Variants in GRM7 observed in about 807,000 individuals in gnomAD.
GRM7 encodes glutamate metabotropic receptor 7.
Under a neutral mutation model 84.5 loss-of-function variants are expected in GRM7, and 35 were observed. That is an observed-to-expected ratio of 0.41 (90% CI 0.32 to 0.55). GRM7 has a LOEUF of 0.55. GRM7 is among the 20% of genes least tolerant of loss of function. GRM7 has a pLI of 0.19. For missense variants in GRM7, 1,003 were observed against 1,194.6 expected (o/e 0.84, Z 2.36); for synonymous variants, 487 against 455.1 (o/e 1.07, Z -0.89).
At chr3:6,886,894 A>C (rs1695717282) in intron 1 of GRM7, among the ~76,000 whole-genome samples, 1 of 151,952 alleles carries the variant, frequency 6.6e-6, no homozygotes. Context: ...ATTATCTTCC[A>C]AGTTTTTTTT....
intron 2 of GRM7, among the ~76,000 whole-genome samples, chr3:7,224,020 C>A (rs1432830675): frequency 6.6e-6 from 1 of 152,228 alleles, no homozygotes; most frequent in African/African-American, 2.4e-5. Context: ...GGAAGTCTCT[C>A]TGGTGTCTTT....
intron 5 of GRM7, among the ~76,000 whole-genome samples, chr3:7,447,533 G>T (rs1329086346): frequency 4.6e-5 from 7 of 152,100 alleles, no homozygotes; most frequent in African/African-American, 1.4e-4. Context: ...CTAACTCACA[G>T]CTCAGTTGCA....
At chr3:7,351,593 C>T (rs188612194) in intron 4 of GRM7, among the ~76,000 whole-genome samples, 2 of 152,110 alleles carry the variant, frequency 1.3e-5, no homozygotes, top group African/African-American at 4.8e-5. Flanking sequence ...GAAGACATGA[C>T]CTCAGTATGA....
At chr3:7,324,732 T>A (rs1700918433) in intron 4 of GRM7, among the ~76,000 whole-genome samples, 1 of 152,166 alleles carries the variant, frequency 6.6e-6, no homozygotes, top group South Asian at 2.1e-4. Flanking sequence ...CCGTTGCTTT[T>A]TTTTCAAGTT....
chr3:6,879,932 G>A (rs1695446648), intron 1 of GRM7, among the ~76,000 whole-genome samples: 1 of 152,182 alleles, frequency 6.6e-6, no homozygotes, highest in Non-Finnish European at 1.5e-5. Flanking sequence ...TGTGTTACAA[G>A]AGAGTTGCAA....
intron 8 of GRM7, among the ~76,000 whole-genome samples, chr3:7,602,157 C>T (rs1217820778): frequency 4.7e-5 from 7 of 149,746 alleles, no homozygotes; most frequent in Non-Finnish European, 3.0e-5. Context: ...AAGGGGAGAG[C>T]TTGTAAATAA....
chr3:7,399,965 A>G (rs1695380039), intron 4 of GRM7, among the ~76,000 whole-genome samples: 1 of 152,210 alleles, frequency 6.6e-6, no homozygotes, highest in African/African-American at 2.4e-5. Context: ...AAAACGCACG[A>G]AGACAAGTAC....
At chr3:7,478,874 C>T (rs1466185105) in intron 7 of GRM7, among the ~76,000 whole-genome samples, 2 of 152,164 alleles carry the variant, frequency 1.3e-5, no homozygotes, top group African/African-American at 4.8e-5. Context: ...TTACTGACTC[C>T]ATAAAACCTT....
chr3:7,203,006 C>T (rs1696117057), intron 2 of GRM7, among the ~76,000 whole-genome samples: 1 of 152,178 alleles, frequency 6.6e-6, no homozygotes, highest in Non-Finnish European at 1.5e-5. Flanking sequence ...GTGTTCCAAC[C>T]AAGTCAGGGT....
intron 3 of GRM7, among the ~76,000 whole-genome samples, chr3:7,303,133 G>T (rs12493907): frequency 0.48 from 72,541 of 151,318 alleles, 18,815 homozygotes; most frequent in Non-Finnish European, 0.6. Context: ...GTAGAGACGG[G>T]CTTTCACCAT....
At chr3:7,223,727 A>T (rs1696886976) in intron 2 of GRM7, among the ~76,000 whole-genome samples, 1 of 152,230 alleles carries the variant, frequency 6.6e-6, no homozygotes, top group African/African-American at 2.4e-5. Context: ...TCTTAAAATT[A>T]TCTTAAAATC....
chr3:7,594,895 G>T (rs1331959023), intron 8 of GRM7, among the ~76,000 whole-genome samples: 2 of 152,048 alleles, frequency 1.3e-5, no homozygotes, highest in African/African-American at 4.8e-5. Flanking sequence ...CACCATTGTG[G>T]AAGGGTGTGG....
intron 2 of GRM7, among the ~76,000 whole-genome samples, chr3:7,215,458 A>G (rs1333857044): frequency 2.0e-5 from 3 of 151,952 alleles, no homozygotes; most frequent in Admixed American, 1.3e-4. Flanking sequence ...AGGTCAGAAG[A>G]TCTAGACCAC....
rs926709857 is a variant in GRM7 at position 7,291,642 on chromosome 3, G to A, written c.737-7042G>A. The stretch of plus-strand genomic sequence containing the variant: ...GATTTCTGCCTGTTTTGTGTGTCAC[G>A]TGATTATTTGTACTTGAAAAGAGGC... On this transcript the variant is annotated intron_variant, in intron 2 of 9. Transcript: ENST00000357716. 7.9e-5 allele frequency among the ~76,000 whole-genome samples: 12 copies of A among 152,012 alleles called. 1 individual carries two copies. Among genetic ancestry groups the A allele is most frequent in the Admixed American group, 2.0e-4 (3 of 15,254 alleles).
intron 7 of GRM7, among the ~76,000 whole-genome samples, chr3:7,518,857 G>C (rs1487798567): frequency 6.6e-6 from 1 of 152,202 alleles, no homozygotes; most frequent in Non-Finnish European, 1.5e-5. Context: ...TTAATGTTAA[G>C]ATTTAGCTGG....
intron 2 of GRM7, among the ~76,000 whole-genome samples, chr3:7,164,316 G>A (rs1020608481): frequency 3.9e-5 from 6 of 152,096 alleles, no homozygotes; most frequent in Non-Finnish European, 7.4e-5. Flanking sequence ...CCAAGATCAC[G>A]CCACTGCACT....
intron 1 of GRM7, among the ~76,000 whole-genome samples, chr3:7,022,481 A>C (rs1205400312): frequency 6.6e-6 from 1 of 151,878 alleles, no homozygotes; most frequent in Non-Finnish European, 1.5e-5. Context: ...TGACTATCTC[A>C]TAGGGTGCAG....
At position 6,868,860 on chromosome 3, in the gene GRM7, G is replaced by A. The variant is rs116433589; in HGVS notation, c.519+6953G>A. On this transcript the variant is annotated intron_variant, in intron 1 of 9. Transcript: ENST00000357716. ...TGCCTCTTGCTGTAAAAGAGCTGCA[G>A]CTTAATAGTTTTATAATTGGTCATT... Among the ~76,000 whole-genome samples the A allele has an allele frequency of 3.7e-3, 563 of 152,220 alleles. 3 individuals carry two copies. Among genetic ancestry groups the A allele is most frequent in the African/African-American group, 0.013 (525 of 41,544 alleles).
chr3:7,526,860 T>A (rs1700827269), intron 7 of GRM7, among the ~76,000 whole-genome samples: 1 of 151,930 alleles, frequency 6.6e-6, no homozygotes, highest in Non-Finnish European at 1.5e-5. Context: ...TCTTCTGAGT[T>A]TTCTATATTG....
Sources: gnomAD v4.1 joint callset for allele counts (sites outside exome capture counted in the v4.1 genomes callset) on GRCh38, gnomAD v4.1.1 for gene constraint, MANE v1.5 for transcripts, NCBI Gene and HGNC (gene_info 2026-07-23, HGNC 2026-07-21) for gene names.